The following B3GALT1 variants were observed in gnomAD, a reference collection of about 807,000 sequenced individuals.
B3GALT1 encodes UDP-Gal:betaGlcNAc beta 1,3-galactosyltransferase, polypeptide 1.
B3GALT1 carries 10 observed loss-of-function variants against 23.2 expected under a neutral mutation model. The ratio of observed to expected loss-of-function variants is 0.43; its 90% CI spans 0.27 to 0.73. The LOEUF (loss-of-function observed/expected upper bound fraction) is 0.73. B3GALT1 is among the 30% of genes least tolerant of loss of function. The pLI, the probability that B3GALT1 is intolerant of heterozygous loss-of-function variation, is 0.21. For missense variants in B3GALT1, 299 were observed against 405.4 expected, an observed-to-expected ratio of 0.74 and a Z score of 2.25; for synonymous variants, 156 against 141.5, an observed-to-expected ratio of 1.10 and a Z score of -0.73.
At chr2:167,672,305 T>C (rs551103554) in intron 3 of B3GALT1, among the ~76,000 whole-genome samples, 16 of 152,182 alleles carry the variant, frequency 1.1e-4, no homozygotes, top group East Asian at 1.9e-4. Flanking sequence ...AAATTTAAAA[T>C]ATTATTTTCT....
chr2:167,372,312 T>C lies in B3GALT1; in HGVS notation c.-511+78978T>C, dbSNP rs78940189. Among the ~76,000 whole-genome samples, 132 of 152,158 alleles carry C rather than the reference T, an allele frequency of 8.7e-4. No homozygotes were observed. In the East Asian group the frequency reaches 0.022, roughly 25 times the overall value. ...ACACATTTATGAATTTTTTAAAAAA[T>C]TTCATAAAACTGTCAGAAAACTGAA... On this transcript the variant is annotated intron_variant, in intron 1 of 4. Transcript: ENST00000392690.
chr2:167,686,275 T>C (rs1045948608), intron 3 of B3GALT1, among the ~76,000 whole-genome samples: 1 of 152,232 alleles, frequency 6.6e-6, no homozygotes, highest in Non-Finnish European at 1.5e-5. Flanking sequence ...CACAGTTATA[T>C]ACTAGGTTAC....
At chr2:167,351,212 T>G (rs1697302636) in intron 1 of B3GALT1, among the ~76,000 whole-genome samples, 1 of 147,554 alleles carries the variant, frequency 6.8e-6, no homozygotes, top group East Asian at 2.0e-4. Flanking sequence ...GAGGTTGCAG[T>G]GAGCCGAGAT....
intron 3 of B3GALT1, among the ~76,000 whole-genome samples, chr2:167,809,497 C>G (rs905477259): frequency 6.6e-6 from 1 of 152,208 alleles, no homozygotes; most frequent in African/African-American, 2.4e-5. Context: ...AGTTTTCCTT[C>G]TAACAGACAG....
chr2:167,835,542 G>A (rs185313017), intron 4 of B3GALT1, among the ~76,000 whole-genome samples: 1,985 of 152,320 alleles, frequency 0.013, 31 homozygotes, highest in African/African-American at 0.045. Flanking sequence ...GCTCCAACTG[G>A]GTGGAGCCCA....
chr2:167,325,702 C>CTTT (rs61066636), intron 1 of B3GALT1, among the ~76,000 whole-genome samples: 51 of 110,566 alleles, frequency 4.6e-4, no homozygotes, highest in African/African-American at 1.1e-3. Flanking sequence ...ACCCTGTTTT[C>CTTT]TTTTTTTTTT....
intron 1 of B3GALT1, among the ~76,000 whole-genome samples, chr2:167,296,690 T>C (rs776461771): frequency 2.0e-5 from 3 of 152,174 alleles, no homozygotes; most frequent in Non-Finnish European, 2.9e-5. Flanking sequence ...TTGTACTGTG[T>C]TCCTACTATG....
chr2:167,771,056 A>C (rs1307755883), intron 3 of B3GALT1, among the ~76,000 whole-genome samples: 2 of 152,190 alleles, frequency 1.3e-5, no homozygotes, highest in Non-Finnish European at 2.9e-5. Context: ...GTATATTCAA[A>C]TTACAGCTCC....
chr2:167,659,716 G>A (rs959215122), intron 3 of B3GALT1, among the ~76,000 whole-genome samples: 2 of 151,974 alleles, frequency 1.3e-5, no homozygotes, highest in East Asian at 1.9e-4. Flanking sequence ...TTAATCTCTC[G>A]TGACTTGCTT....
chr2:167,730,906 C>T (rs553431945), intron 3 of B3GALT1, among the ~76,000 whole-genome samples: 29 of 152,212 alleles, frequency 1.9e-4, no homozygotes, highest in Non-Finnish European at 2.4e-4. Context: ...ATACTCCATA[C>T]GAATTTCCTT....
chr2:167,733,823 G>C (rs1687449577), intron 3 of B3GALT1, among the ~76,000 whole-genome samples: 1 of 152,136 alleles, frequency 6.6e-6, no homozygotes, highest in South Asian at 2.1e-4. Flanking sequence ...ATGCTTCACT[G>C]TGTCTCTGAT....
intron 1 of B3GALT1, among the ~76,000 whole-genome samples, chr2:167,368,645 T>G (rs1018795360): frequency 6.6e-6 from 1 of 152,212 alleles, no homozygotes; most frequent in Non-Finnish European, 1.5e-5. Context: ...TTAAGCAGAT[T>G]ACAGAGAGGA....
intron 1 of B3GALT1, among the ~76,000 whole-genome samples, chr2:167,322,315 C>A (rs1696826880): frequency 6.7e-6 from 1 of 149,930 alleles, no homozygotes; most frequent in Admixed American, 6.6e-5. Flanking sequence ...AAAAAATAGA[C>A]CAGTATCAAA....
chr2:167,585,642 CATCT>C (rs1684573585), intron 2 of B3GALT1, among the ~76,000 whole-genome samples: 1 of 152,150 alleles, frequency 6.6e-6, no homozygotes, highest in African/African-American at 2.4e-5. Context: ...CAAAACTTAA[CATCT>C]ATTTTTTACG....
chr2:167,856,137 C>T (rs1260067585), intron 4 of B3GALT1, among the ~76,000 whole-genome samples: 1 of 152,050 alleles, frequency 6.6e-6, no homozygotes, highest in Non-Finnish European at 1.5e-5. Context: ...TGTTTTTTGA[C>T]CTTTTGTTGT....
intron 3 of B3GALT1, among the ~76,000 whole-genome samples, chr2:167,677,405 A>G (rs947154297): frequency 1.3e-5 from 2 of 152,232 alleles, no homozygotes; most frequent in Non-Finnish European, 2.9e-5. Context: ...AAGAGATAAA[A>G]GCAGTTTTGC....
chr2:167,825,056 T>C (rs527950718), intron 4 of B3GALT1, among the ~76,000 whole-genome samples: 5,368 of 151,570 alleles, frequency 0.035, 319 homozygotes, highest in African/African-American at 0.12. Context: ...AAGGCCGAGG[T>C]GGGCAGATCA....
chr2:167,505,512 G>A (rs1699905395), intron 2 of B3GALT1, among the ~76,000 whole-genome samples: 2 of 152,186 alleles, frequency 1.3e-5, no homozygotes, highest in South Asian at 4.1e-4. Context: ...ACTCTAAGGA[G>A]AAAAGACTCT....
rs575380209 is a variant in B3GALT1 at position 167,666,389 on chromosome 2, A to G, written c.-352+19423A>G. On this transcript the variant is annotated intron_variant, in intron 3 of 4. Transcript: ENST00000392690. ...TTCCAACTATGTGGTCAATTTTGGA[A>G]TAGGTGTGGTGTGGTGCTGAAAAAA... is the stretch of plus-strand genomic sequence containing the variant. 3.8e-3 allele frequency among the ~76,000 whole-genome samples: 576 copies of G among 152,208 alleles called. 3 individuals carry two copies. The highest frequency in any genetic ancestry group is 6.4e-3 in the Non-Finnish European group (435 of 68,018).
Sources: allele counts gnomAD v4.1 joint callset (sites outside exome capture counted in the v4.1 genomes callset), GRCh38; gene constraint gnomAD v4.1.1; transcripts MANE v1.5; gene names NCBI Gene and HGNC (gene_info 2026-07-23, HGNC 2026-07-21).